Variants in TRAP1 observed in about 807,000 individuals in gnomAD.
TRAP1 encodes the protein heat shock protein 75 kDa, mitochondrial.
Under a neutral mutation model 89.1 loss-of-function variants are expected in TRAP1, and 102 were observed. The observed-to-expected ratio is 1.15, with a 90% CI of 0.98 to 1.35. The LOEUF (loss-of-function observed/expected upper bound fraction) is 1.35, where lower values mean the gene tolerates loss of function less well. Among genes scored for constraint, TRAP1 ranks in the 40% most tolerant of loss-of-function variants. TRAP1 has a pLI of 0.00. For synonymous variants in TRAP1, 508 were observed against 388.0 expected, an observed-to-expected ratio of 1.31 and a Z score of -3.64; for missense variants, 1,256 against 945.3, an observed-to-expected ratio of 1.33 and a Z score of -4.31.
chr16:3,703,257 T>G (rs960401717), intron 1 of TRAP1, among the ~76,000 whole-genome samples: 11 of 151,428 alleles, frequency 7.3e-5, no homozygotes, highest in Non-Finnish European at 1.6e-4. Context: ...TCTGAAACAC[T>G]ACTAGGGCCA....
At chr16:3,674,626 G>C in intron 8 of TRAP1, 132 bp from the exon 9 acceptor site, 1 of 1,115,032 alleles carries the variant, frequency 9.0e-7, no homozygotes, top group Non-Finnish European at 1.3e-6. Context: ...GGTCTCAGGC[G>C]TAGACCCCTC....
intron 9 of TRAP1, among the ~76,000 whole-genome samples, chr16:3,673,143 C>T (rs1168330481): frequency 6.6e-6 from 1 of 152,222 alleles, no homozygotes; most frequent in Non-Finnish European, 1.5e-5. Context: ...GCAAAGAGCC[C>T]TCCGACCAGA....
intron 8 of TRAP1, 116 bp downstream of exon 8, chr16:3,675,208 G>A (rs1416350215): frequency 2.1e-6 from 2 of 956,308 alleles, no homozygotes; most frequent in Non-Finnish European, 3.2e-6. Flanking sequence ...TCTCCACAGA[G>A]CAGCTCGCCC....
At chr16:3,661,265 A>G (rs755259653) in intron 16 of TRAP1, 1 of 152,228 alleles carries the variant, frequency 6.6e-6, no homozygotes, top group Non-Finnish European at 1.5e-5. Flanking sequence ...GTAAAAAGAA[A>G]GAAACTCAAA....
Position 3,662,139 on chromosome 16 carries a change from G to A in TRAP1, c.1795-7C>T. On this transcript the variant is annotated splice_polypyrimidine_tract_variant and splice_region_variant and intron_variant, in intron 15 of 17. Coordinates refer to ENST00000246957, the MANE Select transcript of TRAP1 (RefSeq NM_016292.3). Reference sequence around the variant, plus strand: ...TGTCCAGTCGGAGGGTCACCTGTGAGCAAAGCCCGGGGTTGAGGGTGATAG... The same window carrying A: ...TGTCCAGTCGGAGGGTCACCTGTGAACAAAGCCCGGGGTTGAGGGTGATAG... The A allele has an allele frequency of 6.2e-7, 1 of 1,609,858 alleles. No homozygotes were observed. The highest frequency in any genetic ancestry group is 1.1e-5 in the South Asian group (1 of 90,692).
chr16:3,676,222 C>T (rs777767864), intron 6 of TRAP1, 77 bp from the exon 7 acceptor site: 112 of 1,324,834 alleles, frequency 8.5e-5, no homozygotes, highest in East Asian at 3.3e-4. Flanking sequence ...CAGCGGTTCC[C>T]GAGGGTTTCA....
intron 12 of TRAP1, 104 bp from the exon 13 acceptor site, chr16:3,664,563 C>T: frequency 7.9e-7 from 1 of 1,271,014 alleles, no homozygotes. Context: ...TCCTGGCACT[C>T]CAGGCTGGCC....
At chr16:3,665,837 C>T (rs1397917228) in intron 12 of TRAP1, 134 bp downstream of exon 12, 2 of 1,172,142 alleles carry the variant, frequency 1.7e-6, no homozygotes, top group African/African-American at 1.6e-5. Context: ...ATTTCCTGAC[C>T]CTGGTGGCAG....
rs769214207 is a variant in TRAP1, at chr16:3,664,367, G to A, written c.1476C>T (p.Ala492=). The change falls in exon 13 of 18, where the codon GCC becomes GCT. Residue 492 remains alanine, a synonymous_variant. Transcript: ENST00000246957. ...SLSEYASRMR[A]GTRNIYYLCA... The stretch of plus-strand genomic sequence containing the variant: ...ACAGGTAGTAGATGTTGCGGGTGCC[G>A]GCCCGCATGCGGCTGGCGTATTCTG... The A allele has an allele frequency of 3.8e-5, 62 of 1,612,928 alleles. 1 individual carries two copies. Among genetic ancestry groups the A allele is most frequent in the South Asian group, 9.9e-5 (9 of 90,836 alleles).
At chr16:3,681,410 T>C (rs775394250) in intron 4 of TRAP1, among the ~76,000 whole-genome samples, 2 of 152,074 alleles carry the variant, frequency 1.3e-5, no homozygotes, top group Non-Finnish European at 2.9e-5. Context: ...AGCCTTCCCA[T>C]TGTAGGCAGC....
At chr16:3,699,803 G>A (rs998865773) in intron 1 of TRAP1, among the ~76,000 whole-genome samples, 1 of 151,728 alleles carries the variant, frequency 6.6e-6, no homozygotes, top group Non-Finnish European at 1.5e-5. Context: ...GAACAGCTGG[G>A]ACTGCAGGTA....
chr16:3,674,446 C>G lies in TRAP1; in HGVS notation c.937G>C (p.Glu313Gln), dbSNP rs1007505385. 5.2e-5 allele frequency: 84 copies of G among 1,612,818 alleles called. No individual in the cohort carries two copies. The highest frequency in any genetic ancestry group is 1.5e-4 in the Admixed American group (9 of 60,000). Residue 313 changes from glutamate to glutamine, a missense_variant, in exon 9 of 18, where the codon GAG becomes CAG. By Grantham distance (29) the Glu-to-Gln change is conservative (BLOSUM62 2). Coordinates refer to ENST00000246957, the MANE Select transcript of TRAP1 (RefSeq NM_016292.3). Reference protein sequence around the residue: ...PKDVREWQHEEFYRYVAQAHD... With the variant: ...PKDVREWQHEQFYRYVAQAHD... ...GCCTGCGCGACGTAGCGGTAGAACT[C>G]CTCATGTTGCCACTCACGGACATCC...
At chr16:3,666,484 G>A (rs2050832433) in intron 11 of TRAP1, among the ~76,000 whole-genome samples, 1 of 151,898 alleles carries the variant, frequency 6.6e-6, no homozygotes, top group Non-Finnish European at 1.5e-5. Context: ...TTTCACTGTG[G>A]CACATAAAAT....
At chr16:3,673,585 C>G (rs201384821) in intron 9 of TRAP1, among the ~76,000 whole-genome samples, 1 of 76,126 alleles carries the variant, frequency 1.3e-5, no homozygotes, top group Admixed American at 1.6e-4. Flanking sequence ...GCGGGGAGAT[C>G]TTATTAAAAT....
chr16:3,678,845 C>G lies in TRAP1; in HGVS notation c.543+874G>C, dbSNP rs556869604. Among the ~76,000 whole-genome samples, 3 of 152,324 alleles carry G rather than the reference C, an allele frequency of 2.0e-5. No homozygotes were observed. In the South Asian group the frequency reaches 6.2e-4, roughly 32 times the overall value. ...AGGGCGACCGCTGGAGGTTCCCAGG[C>G]TGTTGGTCTGAGTCCAAATGTGTTG... is the stretch of plus-strand genomic sequence containing the variant. On this transcript the variant is annotated intron_variant, in intron 5 of 17. Transcript: ENST00000246957.
intron 2 of TRAP1, among the ~76,000 whole-genome samples, chr16:3,690,510 C>T (rs968745680): frequency 1.3e-5 from 2 of 152,166 alleles, no homozygotes; most frequent in African/African-American, 2.4e-5. Context: ...TTCGGTCCTG[C>T]GCAGACTGGG....
intron 1 of TRAP1, among the ~76,000 whole-genome samples, chr16:3,707,244 G>GCGGGATCTCTA (rs2051460376): frequency 2.8e-5 from 4 of 144,772 alleles, no homozygotes; most frequent in African/African-American, 1.0e-4. Flanking sequence ...GGAGTGCAGT[G>GCGGGATCTCTA]GCGGGATCTC....
intron 1 of TRAP1, among the ~76,000 whole-genome samples, chr16:3,705,103 C>T (rs577471947): frequency 3.3e-5 from 5 of 152,072 alleles, no homozygotes; most frequent in African/African-American, 4.8e-5. Flanking sequence ...CTCGCTCTGT[C>T]GCCCAGGCTG....
chr16:3,713,355 G>C (rs2051557391), intron 1 of TRAP1, among the ~76,000 whole-genome samples: 1 of 152,180 alleles, frequency 6.6e-6, no homozygotes, highest in Non-Finnish European at 1.5e-5. Flanking sequence ...GCGGGGTCCA[G>C]GTGAGGCTCT....
Sources: gnomAD v4.1 joint callset for allele counts (sites outside exome capture counted in the v4.1 genomes callset) on GRCh38, gnomAD v4.1.1 for gene constraint, MANE v1.5 for transcripts, NCBI Gene and HGNC (gene_info 2026-07-23, HGNC 2026-07-21) for gene names.